The following USP34 variants were observed in gnomAD, a reference collection of about 807,000 sequenced individuals.
USP34 encodes the protein ubiquitin specific peptidase 34, also known as ubiquitin carboxyl-terminal hydrolase 34.
Under a neutral mutation model 460.3 loss-of-function variants are expected in USP34, and 70 were observed. The observed-to-expected ratio is 0.15, with a 90% confidence interval of 0.13 to 0.19. The LOEUF (loss-of-function observed/expected upper bound fraction) is 0.19. Ranked by LOEUF, USP34 falls within the 10% of genes least tolerant of loss-of-function variation. The pLI, the probability that USP34 is intolerant of heterozygous loss-of-function variation, is 1.00. For synonymous variants in USP34, 1,647 were observed against 1,405.3 expected (o/e 1.17, Z -3.85); for missense variants, 3,985 against 4,236.2 (o/e 0.94, Z 1.65).
chr2:61,442,323 C>T (rs544302051), intron 1 of USP34, among the ~76,000 whole-genome samples: 1 of 149,450 alleles, frequency 6.7e-6, no homozygotes, highest in Non-Finnish European at 1.5e-5. Flanking sequence ...AGACAACCTA[C>T]AGAATGAGAC....
chr2:61,339,716 A>G (rs772128212), intron 16 of USP34, 35 bp from the exon 17 acceptor site: 24 of 1,192,710 alleles, frequency 2.0e-5, no homozygotes, highest in Non-Finnish European at 2.4e-5. Context: ...CACACTATAG[A>G]GAAATGCAGC....
chr2:61,285,267 T>C (rs758112357), intron 34 of USP34, among the ~76,000 whole-genome samples: 1 of 151,978 alleles, frequency 6.6e-6, no homozygotes, highest in East Asian at 1.9e-4. Context: ...GGTGGGTGGA[T>C]TGCTTGAGCC....
At chr2:61,349,684 C>CA (rs1161474064) in intron 12 of USP34, among the ~76,000 whole-genome samples, 3 of 151,752 alleles carry the variant, frequency 2.0e-5, no homozygotes, top group East Asian at 1.9e-4. Flanking sequence ...ACTAAAAATA[C>CA]AAAAAAATTA....
At chr2:61,280,198 A>C (rs371886880) in intron 39 of USP34, 46 bp downstream of exon 39, 47 of 1,118,326 alleles carry the variant, frequency 4.2e-5, no homozygotes, top group Non-Finnish European at 5.6e-5. Flanking sequence ...AATTCATATT[A>C]ACAAGAAGAG....
intron 75 of USP34, among the ~76,000 whole-genome samples, chr2:61,194,535 T>C (rs1686738744): frequency 6.6e-6 from 1 of 152,248 alleles, no homozygotes; most frequent in African/African-American, 2.4e-5. Context: ...CTTCACTCTG[T>C]TGCCCAGGTT....
chr2:61,224,429 C>T (rs1687672597), intron 62 of USP34, among the ~76,000 whole-genome samples: 1 of 152,208 alleles, frequency 6.6e-6, no homozygotes, highest in South Asian at 2.1e-4. Context: ...TTGTAGAAGG[C>T]ACACAATGAA....
chr2:61,269,656 T>C (rs1299217654), intron 41 of USP34, among the ~76,000 whole-genome samples: 4 of 152,132 alleles, frequency 2.6e-5, no homozygotes, highest in African/African-American at 7.2e-5. Context: ...AAGAAATATG[T>C]CAACAATAAA....
intron 6 of USP34, among the ~76,000 whole-genome samples, chr2:61,382,461 C>T (rs551686110): frequency 3.3e-5 from 5 of 152,318 alleles, no homozygotes; most frequent in South Asian, 4.1e-4. Flanking sequence ...AGCTGACTCA[C>T]GTCCATCAGA....
intron 48 of USP34, among the ~76,000 whole-genome samples, chr2:61,250,955 A>G (rs1043378337): frequency 2.0e-5 from 3 of 152,046 alleles, no homozygotes; most frequent in Non-Finnish European, 4.4e-5. Context: ...TGGCTAACAC[A>G]GTGAAACCCC....
chr2:61,298,671 TG>T (rs1690118895), intron 29 of USP34, among the ~76,000 whole-genome samples: 1 of 151,196 alleles, frequency 6.6e-6, no homozygotes, highest in Non-Finnish European at 1.5e-5. Context: ...CTCTTATCAC[TG>T]GTCCTGGTTT....
At chr2:61,227,570 GCGTGGTGGCA>G (rs1182112657) in intron 61 of USP34, among the ~76,000 whole-genome samples, 1 of 152,072 alleles carries the variant, frequency 6.6e-6, no homozygotes, top group East Asian at 1.9e-4. Flanking sequence ...AATTAGCCAG[GCGTGGTGGCA>G]CGCGCTTGTA....
intron 18 of USP34, among the ~76,000 whole-genome samples, chr2:61,338,545 T>C (rs374701613): frequency 2.6e-5 from 4 of 152,276 alleles, no homozygotes; most frequent in East Asian, 1.9e-4. Context: ...TAGACAATCA[T>C]AGCAGGCCTA....
At chr2:61,263,128 C>T (rs759920180) in intron 43 of USP34, among the ~76,000 whole-genome samples, 2 of 150,000 alleles carry the variant, frequency 1.3e-5, no homozygotes, top group Admixed American at 6.6e-5. Flanking sequence ...CCTGGCCCAG[C>T]GTCCCGAGTA....
Position 61,246,310 on chromosome 2 carries a change from T to C in USP34, c.6548+14A>G, listed in dbSNP as rs78389654. 5.5e-3 allele frequency: 8,273 copies of C among 1,504,466 alleles called. 38 individuals are homozygous for C. The highest frequency in any genetic ancestry group is 6.9e-3 in the Non-Finnish European group (7,681 of 1,118,632). 93.2% of individuals were successfully genotyped at this position (1,504,466 alleles called of 1,614,324 possible). On this transcript the variant is annotated intron_variant, in intron 50 of 79. Coordinates refer to ENST00000398571, the MANE Select transcript of USP34 (RefSeq NM_014709.4). Reference sequence around the variant, plus strand: ...ATAAATTGTTAAAGAAGTTTTGAAATATTTAAAACTCACCATTTATTGTTT... The same window carrying C: ...ATAAATTGTTAAAGAAGTTTTGAAACATTTAAAACTCACCATTTATTGTTT...
chr2:61,420,615 T>C (rs1040841313), intron 2 of USP34, 131 bp downstream of exon 2: 1 of 496,402 alleles, frequency 2.0e-6, no homozygotes, highest in Non-Finnish European at 3.5e-6. Flanking sequence ...ATTTAATAAA[T>C]ATTGACAAAC....
intron 1 of USP34, among the ~76,000 whole-genome samples, chr2:61,461,219 T>C (rs1160549369): frequency 2.6e-5 from 4 of 151,352 alleles, no homozygotes; most frequent in Non-Finnish European, 5.9e-5. Flanking sequence ...GATGAAACCC[T>C]GTCTCTACTA....
chr2:61,203,319 T>C, intron 74 of USP34, 56 bp from the exon 75 acceptor site: 2 of 1,386,738 alleles, frequency 1.4e-6, no homozygotes, highest in African/African-American at 1.5e-5. Flanking sequence ...AAAGAGCATA[T>C]TTTGTGCAAA....
intron 57 of USP34, among the ~76,000 whole-genome samples, chr2:61,233,356 T>C (rs1687968563): frequency 6.6e-6 from 1 of 151,410 alleles, no homozygotes; most frequent in Non-Finnish European, 1.5e-5. Flanking sequence ...ACAGCACAAA[T>C]GACAAAAAAT....
At chr2:61,344,476 TATTC>T (rs547960094) in intron 15 of USP34, among the ~76,000 whole-genome samples, 446 of 152,270 alleles carry the variant, frequency 2.9e-3, no homozygotes, top group Non-Finnish European at 4.7e-3. Context: ...CCAAATTAAG[TATTC>T]ATTTCTAAAA....
Sources: allele counts gnomAD v4.1 joint callset (sites outside exome capture counted in the v4.1 genomes callset), GRCh38; gene constraint gnomAD v4.1.1; transcripts MANE v1.5; gene names NCBI Gene and HGNC (gene_info 2026-07-23, HGNC 2026-07-21).